The following ZFAT variants were observed in gnomAD, a reference collection of about 807,000 sequenced individuals.
ZFAT encodes zinc finger protein ZFAT.
ZFAT carries 64 observed loss-of-function variants against 117.7 expected under a neutral mutation model. The ratio of observed to expected loss-of-function variants is 0.54; its 90% confidence interval spans 0.44 to 0.67. The LOEUF (loss-of-function observed/expected upper bound fraction) is 0.67, where lower values mean the gene tolerates loss of function less well. Ranked by LOEUF, ZFAT falls within the 30% of genes least tolerant of loss-of-function variation. The pLI is 0.00. For missense variants in ZFAT, 1,433 were observed against 1,584.5 expected (o/e 0.90, Z 1.62); for synonymous variants, 679 against 615.0 (o/e 1.10, Z -1.54).
chr8:134,776,449 C>T, the ZFAT span, among the ~76,000 whole-genome samples: 6 of 152,264 alleles, frequency 3.9e-5, no homozygotes, highest in East Asian at 5.8e-4. Context: ...ACCACAGGCA[C>T]GCACCACCAC....
At chr8:134,820,238 C>T in the ZFAT span, among the ~76,000 whole-genome samples, 1 of 152,088 alleles carries the variant, frequency 6.6e-6, no homozygotes, top group Non-Finnish European at 1.5e-5. Context: ...GGATCACAAA[C>T]CCAGGGTTTA....
At chr8:134,739,320 C>CACAT in the ZFAT span, among the ~76,000 whole-genome samples, 1 of 150,338 alleles carries the variant, frequency 6.7e-6, no homozygotes, top group African/African-American at 2.5e-5. Flanking sequence ...TGTGTGTGTA[C>CACAT]ACATGCATGT....
chr8:134,535,991 T>C (rs1340298589), intron 11 of ZFAT, among the ~76,000 whole-genome samples: 1 of 152,196 alleles, frequency 6.6e-6, no homozygotes, highest in Non-Finnish European at 1.5e-5. Flanking sequence ...GAAATGGTCC[T>C]GCAAACCCAG....
intron 7 of ZFAT, chr8:134,599,847 A>T (rs940488407): frequency 8.0e-5 from 36 of 452,600 alleles, no homozygotes; most frequent in African/African-American, 7.0e-4. Flanking sequence ...GTGTTACAAG[A>T]TCCTCCACCA....
chr8:134,543,460 A>G (rs542771855), intron 11 of ZFAT, among the ~76,000 whole-genome samples: 1 of 152,366 alleles, frequency 6.6e-6, no homozygotes, highest in East Asian at 1.9e-4. Flanking sequence ...TTGACTGAGA[A>G]CACTCCCCAC....
chr8:134,546,551 T>C (rs1822710065), intron 11 of ZFAT, among the ~76,000 whole-genome samples: 1 of 152,188 alleles, frequency 6.6e-6, no homozygotes, highest in South Asian at 2.1e-4. Context: ...TAGAAAGCAA[T>C]TTCATCTAAT....
chr8:134,533,074 T>C, intron 11 of ZFAT, 102 bp from the exon 12 acceptor site: 5 of 1,469,286 alleles, frequency 3.4e-6, no homozygotes, highest in Non-Finnish European at 4.6e-6. Context: ...AAGCCTGAGA[T>C]GAGCAGGCCC....
At position 134,478,151 on chromosome 8, in the gene ZFAT, G is replaced by T; in HGVS notation, c.*331C>A. 3.1e-6 allele frequency: 1 copy of T among 325,386 alleles called. No homozygotes were observed. Among genetic ancestry groups the T allele is most frequent in the Non-Finnish European group, 5.8e-6 (1 of 173,544 alleles). The allele number at this position is 325,386 out of a possible 1,614,324, so 20.2% of individuals were successfully genotyped here. ...GGCTGTGATTCAGGGAAGATGCTGA[G>T]GGGGACTGGGAGTCTCTGTTTGAAT... On this transcript the variant is annotated 3_prime_UTR_variant, in exon 16 of 16. Coordinates refer to ENST00000377838, the MANE Select transcript of ZFAT (RefSeq NM_020863.4). The surrounding 1 kb of genome is among the most constrained non-coding windows in gnomAD (Gnocchi z 5.2).
At position 134,532,931 on chromosome 8, in the gene ZFAT, A is replaced by C; in HGVS notation, c.3018T>G (p.Ser1006=). Residue 1006 remains serine (S), a synonymous_variant, in exon 12 of 16, where the codon TCT becomes TCG. Transcript: ENST00000377838. ...TGTTGTAGTGCCGCTTCAGAGAGCC[A>C]GATATGTTGCAGGAGTAATGGCAAT... The part of the protein sequence containing the change: ...CAHCHYSCNI[S]GSLKRHYNRK... 6.2e-7 allele frequency: 1 copy of C among 1,609,070 alleles called. No individual in the cohort carries two copies. The highest frequency in any genetic ancestry group is 8.5e-7 in the Non-Finnish European group (1 of 1,177,756).
the ZFAT span, chr8:134,795,453 G>GT: frequency 5.1e-5 from 7 of 137,002 alleles, no homozygotes; most frequent in African/African-American, 2.1e-4. Flanking sequence ...ATGAAAAAAA[G>GT]TTAACAAGTA....
intron 3 of ZFAT, among the ~76,000 whole-genome samples, chr8:134,630,974 T>C (rs1829852070): frequency 1.3e-5 from 2 of 152,202 alleles, no homozygotes; most frequent in Non-Finnish European, 1.5e-5. Context: ...CTTGGCAAAC[T>C]AGAGAACACG....
the ZFAT span, among the ~76,000 whole-genome samples, chr8:134,735,274 T>C: frequency 3.3e-5 from 5 of 152,186 alleles, no homozygotes; most frequent in African/African-American, 1.2e-4. Flanking sequence ...CCTCTAAGCC[T>C]GAAAGGGTTG....
At chr8:134,493,531 T>C (rs1207751094) in intron 15 of ZFAT, among the ~76,000 whole-genome samples, 1 of 152,244 alleles carries the variant, frequency 6.6e-6, no homozygotes, top group African/African-American at 2.4e-5. Context: ...CATTGCTTAG[T>C]TTGATCTGAA....
At chr8:134,529,929 G>C (rs187772143) in intron 12 of ZFAT, among the ~76,000 whole-genome samples, 83 of 152,272 alleles carry the variant, frequency 5.5e-4, no homozygotes, top group African/African-American at 2.0e-3. Flanking sequence ...CCTTCCCTTA[G>C]AAACCCACAC....
rs1326018102 is a variant in ZFAT, at chr8:134,494,702, A to G, written c.3492+14917T>C. ...CCCTTGCCCAAGGTAGAAAAACCAA[A>G]CTCCCAGGAATAAAGTGTTTTTATT... On this transcript the variant is annotated intron_variant, in intron 15 of 15. Transcript: ENST00000377838. 2.0e-5 allele frequency among the ~76,000 whole-genome samples: 3 copies of G among 152,066 alleles called. No homozygotes were observed. In the East Asian group the frequency reaches 5.8e-4, roughly 29 times the overall value.
chr8:134,782,980 T>C, the ZFAT span, among the ~76,000 whole-genome samples: 18 of 152,062 alleles, frequency 1.2e-4, no homozygotes, highest in African/African-American at 4.3e-4. Context: ...TATGTAAATA[T>C]ATATATATAT....
At chr8:134,712,139 T>C (rs111636640) in intron 1 of ZFAT, among the ~76,000 whole-genome samples, 31 of 152,302 alleles carry the variant, frequency 2.0e-4, no homozygotes, top group African/African-American at 7.2e-4. Context: ...ACGCAGGAGT[T>C]TGGATTTTAG....
At chr8:134,782,880 A>C in the ZFAT span, among the ~76,000 whole-genome samples, 1 of 152,094 alleles carries the variant, frequency 6.6e-6, no homozygotes, top group African/African-American at 2.4e-5. Context: ...AACAAAAATG[A>C]GACAAGTAAG....
At chr8:134,769,102 G>A in the ZFAT span, among the ~76,000 whole-genome samples, 2 of 152,098 alleles carry the variant, frequency 1.3e-5, no homozygotes, top group Admixed American at 1.3e-4. Context: ...GAACCCAGGA[G>A]GTGGAGGTTG....
Sources: gnomAD v4.1 joint callset for allele counts (sites outside exome capture counted in the v4.1 genomes callset) on GRCh38, gnomAD v4.1.1 for gene constraint, Gnocchi (gnomAD v3.1) non-coding constraint, MANE v1.5 for transcripts, NCBI Gene and HGNC (gene_info 2026-07-23, HGNC 2026-07-21) for gene names.